Variants in BRWD3 observed in about 807,000 individuals in gnomAD.
BRWD3 encodes bromodomain and WD repeat domain containing 3, also known as bromodomain and WD repeat-containing protein 3.
In BRWD3, 10 loss-of-function variants were observed where a neutral mutation model predicts 149.7. The ratio of observed to expected loss-of-function variants is 0.07; its 90% CI spans 0.04 to 0.11. The LOEUF (loss-of-function observed/expected upper bound fraction) is 0.11. Ranked by LOEUF, BRWD3 falls within the 10% of genes least tolerant of loss-of-function variation. The pLI is 1.00. For synonymous variants in BRWD3, 504 were observed against 456.7 expected, an observed-to-expected ratio of 1.10 and a Z score of -1.32; for missense variants, 940 against 1,373.2, an observed-to-expected ratio of 0.68 and a Z score of 4.99.
At chrX:80,727,219 T>C (rs1255028588) in intron 14 of BRWD3, among the ~76,000 whole-genome samples, 3 of 111,439 alleles carry the variant, frequency 2.7e-5, no homozygotes, top group African/African-American at 6.5e-5. Context: ...CAGACTCCTA[T>C]AATCTATCTG....
chrX:80,757,491 T>C (rs940686641), intron 6 of BRWD3, among the ~76,000 whole-genome samples: 1 of 112,631 alleles, frequency 8.9e-6, no homozygotes, highest in African/African-American at 3.2e-5. Flanking sequence ...TAAATTGTCT[T>C]AAAATATTTG....
intron 33 of BRWD3, among the ~76,000 whole-genome samples, chrX:80,688,964 T>C (rs2072573224): frequency 3.2e-5 from 3 of 94,870 alleles, no homozygotes; most frequent in Non-Finnish European, 6.3e-5. Flanking sequence ...ATAATATATT[T>C]CATAGTCAGA....
Position 80,722,623 on chromosome X carries a change from T to A in BRWD3, c.1815A>T (p.Val605=). ...CATCTTTACAATTTTCCCGTCCTGGTACCAACCGTTGGAATTTTGTGGGAT... is the reference window on the plus strand; with the variant it reads ...CATCTTTACAATTTTCCCGTCCTGGAACCAACCGTTGGAATTTTGTGGGAT... The part of the protein sequence containing the change: ...NPHPTKFQRL[V]PGRENCKDEQ... The change falls in exon 17 of 41, where the codon GTA becomes GTT. Residue 605 remains valine, a synonymous_variant. Transcript: ENST00000373275. 3 of 1,211,708 alleles carry A rather than the reference T, an allele frequency of 2.5e-6. No individual in the cohort carries two copies. Among genetic ancestry groups the A allele is most frequent in the Non-Finnish European group, 3.4e-6 (3 of 895,466 alleles).
At chrX:80,777,619 G>A (rs1018246143) in intron 6 of BRWD3, among the ~76,000 whole-genome samples, 4 of 110,268 alleles carry the variant, frequency 3.6e-5, no homozygotes, top group African/African-American at 9.9e-5. Context: ...GGCTAGTCTC[G>A]AACTCCTGGG....
chrX:80,686,424 AAT>A (rs771659765), intron 35 of BRWD3, among the ~76,000 whole-genome samples: 4 of 105,505 alleles, frequency 3.8e-5, no homozygotes, highest in Non-Finnish European at 3.9e-5. Flanking sequence ...AGTATAATAA[AAT>A]ATATATATAT....
At chrX:80,709,333 A>T (rs2072922650) in intron 21 of BRWD3, 95 bp downstream of exon 21, 1 of 657,133 alleles carries the variant, frequency 1.5e-6, no homozygotes, top group Non-Finnish European at 2.3e-6. Context: ...TAATTAAAAT[A>T]ATTTTCTATT....
At position 80,690,045 on chromosome X, in the gene BRWD3, G is replaced by A; in HGVS notation, c.3650C>T (p.Ala1217Val). ...ACTGTCTGGCTCATTGAAAGTCCTGGCATTATGTTCAATATAGCGTACCTC... is the reference window on the plus strand; with the variant it reads ...ACTGTCTGGCTCATTGAAAGTCCTGACATTATGTTCAATATAGCGTACCTC... ...MWEVRYIEHN[A>V]RTFNEPDSPI... is the part of the protein sequence containing the mutation. The change falls in exon 32 of 41, where the codon GCC (alanine) becomes GTC (valine). Residue 1217 changes from alanine to valine, a missense_variant. This residue lies in a region of BRWD3 where 349 missense variants were observed against 419.6 expected (regional missense o/e 0.83). Coordinates refer to ENST00000373275, the MANE Select transcript of BRWD3 (RefSeq NM_153252.5). 1 of 1,207,181 alleles carries A rather than the reference G, an allele frequency of 8.3e-7. No homozygotes were observed. Among genetic ancestry groups the A allele is most frequent in the Non-Finnish European group, 1.1e-6 (1 of 891,998 alleles).
chrX:80,676,717 A>G lies in BRWD3; in HGVS notation c.5301T>C (p.Asn1767=). The G allele has an allele frequency of 1.4e-5, 17 of 1,211,131 alleles. No homozygotes were observed. The highest frequency in any genetic ancestry group is 1.9e-5 in the Non-Finnish European group (17 of 895,305). ...TCAGAGGATCCTCAGTGGACACAAAATTGTCATTATCAGAATCATCATTAT... is the reference window on the plus strand; with the variant it reads ...TCAGAGGATCCTCAGTGGACACAAAGTTGTCATTATCAGAATCATCATTAT... ...VLYNDDSDND[N]FVSTEDPLNL... Residue 1767 remains asparagine (N), a synonymous_variant, in exon 41 of 41, where the codon AAT becomes AAC. Coordinates refer to ENST00000373275, the MANE Select transcript of BRWD3 (RefSeq NM_153252.5).
chrX:80,808,958 C>A, intron 3 of BRWD3, 55 bp downstream of exon 3: 1 of 1,163,449 alleles, frequency 8.6e-7, no homozygotes, highest in Non-Finnish European at 1.2e-6. Flanking sequence ...ACTTGCCCTC[C>A]CCTTCCTCCA....
chrX:80,713,389 A>G (rs2073021673), intron 20 of BRWD3, among the ~76,000 whole-genome samples: 1 of 112,209 alleles, frequency 8.9e-6, no homozygotes, highest in African/African-American at 3.3e-5. Flanking sequence ...CTATGACCTT[A>G]ACCCCAACCC....
At position 80,672,529 on chromosome X, in the gene BRWD3, T is replaced by A. The variant is rs1395493189; in HGVS notation, c.*4080A>T. ...ACAAAATATAGCACCGTGAAAAAAC[T>A]TAATTTTATATTGCAATTTAATCAA... On this transcript the variant is annotated 3_prime_UTR_variant, in exon 41 of 41. Transcript: ENST00000373275. The A allele has an allele frequency of 1.8e-5, 2 of 110,885 alleles. No individual in the cohort carries two copies. Among genetic ancestry groups the A allele is most frequent in the Non-Finnish European group, 3.8e-5 (2 of 52,875 alleles). The allele number at this position is 110,885 out of a possible 1,213,427, so 9.1% of individuals were successfully genotyped here. A position where few individuals can be genotyped will look rare whatever the true frequency, so the allele number is the denominator to read the frequency against.
chrX:80,705,094 CG>C (rs1355629722), intron 22 of BRWD3, among the ~76,000 whole-genome samples: 1 of 110,564 alleles, frequency 9.0e-6, no homozygotes, highest in Non-Finnish European at 1.9e-5. Context: ...GGCAAAACCC[CG>C]TCTCTACTAA....
intron 6 of BRWD3, among the ~76,000 whole-genome samples, chrX:80,787,828 T>C (rs1328637214): frequency 9.0e-6 from 1 of 111,541 alleles, no homozygotes; most frequent in East Asian, 2.8e-4. Flanking sequence ...CTCACGCCTG[T>C]AATCCCAGCA....
intron 6 of BRWD3, among the ~76,000 whole-genome samples, chrX:80,789,821 CT>C (rs376981904): frequency 9.1e-4 from 91 of 100,060 alleles, no homozygotes; most frequent in Middle Eastern, 5.3e-3. Flanking sequence ...CATGGAACTC[CT>C]TTTTTTTTTT....
intron 40 of BRWD3, among the ~76,000 whole-genome samples, chrX:80,680,893 C>A (rs1275063004): frequency 2.7e-5 from 3 of 109,237 alleles, no homozygotes; most frequent in Non-Finnish European, 5.7e-5. Flanking sequence ...ACTGTAGTCT[C>A]CTACTCCTGG....
chrX:80,806,595 G>T (rs1162307372), intron 4 of BRWD3, among the ~76,000 whole-genome samples: 2 of 111,862 alleles, frequency 1.8e-5, no homozygotes, highest in African/African-American at 6.5e-5. Flanking sequence ...GGGGCAGAAG[G>T]GATAGGGGAG....
chrX:80,741,667 T>C (rs1248873836), intron 8 of BRWD3, among the ~76,000 whole-genome samples: 4 of 111,596 alleles, frequency 3.6e-5, no homozygotes, highest in Non-Finnish European at 5.7e-5. Context: ...CCAGTGATGA[T>C]GAGCAGTTTC....
At chrX:80,746,990 T>C (rs1226343391) in intron 6 of BRWD3, 1 of 181,790 alleles carries the variant, frequency 5.5e-6, no homozygotes, top group Non-Finnish European at 8.5e-6. Flanking sequence ...TGCAAGATGC[T>C]GAGTAAATAA....
At chrX:80,794,302 T>C (rs1311774053) in intron 4 of BRWD3, among the ~76,000 whole-genome samples, 1 of 110,983 alleles carries the variant, frequency 9.0e-6, no homozygotes, top group Non-Finnish European at 1.9e-5. Flanking sequence ...GCCCAGGAGT[T>C]TGATAACAGC....
Sources: allele counts gnomAD v4.1 joint callset (sites outside exome capture counted in the v4.1 genomes callset), GRCh38; gene constraint gnomAD v4.1.1; regional missense constraint gnomAD v4.1.1; transcripts MANE v1.5; gene names NCBI Gene and HGNC (gene_info 2026-07-23, HGNC 2026-07-21).